The following RORA variants were observed in gnomAD, a reference collection of about 807,000 sequenced individuals.
RORA encodes the protein RAR related orphan receptor A.
In RORA, 7 loss-of-function variants were observed where a neutral mutation model predicts 69.5. That is an observed-to-expected ratio of 0.10 (90% confidence interval 0.06 to 0.19). The LOEUF is 0.19. RORA is among the 10% of genes least tolerant of loss of function. The pLI, the probability that RORA is intolerant of heterozygous loss-of-function variation, is 1.00. For synonymous variants in RORA, 261 were observed against 240.8 expected (o/e 1.08, Z -0.78); for missense variants, 457 against 663.0 (o/e 0.69, Z 3.41).
chr15:60,692,066 T>C (rs1415357048), intron 1 of RORA, among the ~76,000 whole-genome samples: 2 of 152,222 alleles, frequency 1.3e-5, no homozygotes, highest in Admixed American at 6.5e-5. Flanking sequence ...TGCATAGTTC[T>C]TAGATACAAC....
At chr15:61,144,021 G>A (rs1161419688) in intron 1 of RORA, among the ~76,000 whole-genome samples, 1 of 152,198 alleles carries the variant, frequency 6.6e-6, no homozygotes, top group Non-Finnish European at 1.5e-5. Flanking sequence ...TAATATGTTA[G>A]ATAAAAGGCT....
chr15:60,721,940 C>A (rs1322364635), intron 1 of RORA, among the ~76,000 whole-genome samples: 1 of 152,220 alleles, frequency 6.6e-6, no homozygotes, highest in African/African-American at 2.4e-5. Flanking sequence ...GGCGTGCAAC[C>A]AACCCTTTAG....
At chr15:60,834,448 C>T (rs1266729423) in intron 1 of RORA, among the ~76,000 whole-genome samples, 3 of 152,178 alleles carry the variant, frequency 2.0e-5, no homozygotes, top group African/African-American at 7.2e-5. Context: ...AAAATGGCCC[C>T]AGATATGTCC....
rs370131563 is a variant in RORA, at chr15:61,015,278, T to C, written c.166+213775A>G. On this transcript the variant is annotated intron_variant, in intron 1 of 10. Transcript: ENST00000335670. ...AATCCAAGGATTTGGGGAGGGACTTTCCTGCCAACTAAGGATTAGTTCTTT... is the reference window on the plus strand; with the variant it reads ...AATCCAAGGATTTGGGGAGGGACTTCCCTGCCAACTAAGGATTAGTTCTTT... Among the ~76,000 whole-genome samples, 46 of 152,304 alleles carry C rather than the reference T, an allele frequency of 3.0e-4. 2 individuals carry two copies. The South Asian group carries it at 7.1e-3, about 23-fold the overall frequency.
In RORA at chr15:60,492,551, T is replaced by C. The variant is rs1595852303; in HGVS notation, c.*4904A>G. 6.6e-6 allele frequency: 1 copy of C among 152,174 alleles called. No individual in the cohort carries two copies. The highest frequency in any genetic ancestry group is 1.9e-4 in the East Asian group (1 of 5,204). The allele number at this position is 152,174 out of a possible 1,614,324, so 9.4% of individuals were successfully genotyped here. A position where few individuals can be genotyped will look rare whatever the true frequency, so the allele number is the denominator to read the frequency against. ...TCTTTTACCTATATCACTGTACTGATAGGCAGGTCTCTCCTCTTATTACTG... is the reference window on the plus strand; with the variant it reads ...TCTTTTACCTATATCACTGTACTGACAGGCAGGTCTCTCCTCTTATTACTG... On this transcript the variant is annotated 3_prime_UTR_variant, in exon 11 of 11. Coordinates refer to ENST00000335670, the MANE Select transcript of RORA (RefSeq NM_134261.3).
chr15:61,206,328 C>T (rs1455362892), intron 1 of RORA, among the ~76,000 whole-genome samples: 2 of 152,148 alleles, frequency 1.3e-5, no homozygotes, highest in Non-Finnish European at 1.5e-5. Context: ...ATTGTGAACA[C>T]TAGCATATTC....
intron 2 of RORA, among the ~76,000 whole-genome samples, chr15:60,674,861 TG>T (rs1055021407): frequency 1.8e-4 from 27 of 152,166 alleles, no homozygotes; most frequent in Admixed American, 2.0e-4. Context: ...TGTCCCTCAG[TG>T]TGGGAGAAAG....
chr15:60,716,256 T>G (rs2071217608), intron 1 of RORA, among the ~76,000 whole-genome samples: 1 of 152,140 alleles, frequency 6.6e-6, no homozygotes, highest in Non-Finnish European at 1.5e-5. Flanking sequence ...CTACAGCCAA[T>G]TTTATGGCTA....
intron 1 of RORA, among the ~76,000 whole-genome samples, chr15:61,202,298 C>G (rs1596068990): frequency 6.6e-6 from 1 of 152,180 alleles, no homozygotes; most frequent in Non-Finnish European, 1.5e-5. Context: ...GCATGAGACA[C>G]TGCTCCCGGC....
In RORA at chr15:60,749,891, G is replaced by A. The variant is rs138095368; in HGVS notation, c.167-71205C>T. 5.8e-3 allele frequency among the ~76,000 whole-genome samples: 885 copies of A among 152,178 alleles called. 9 individuals carry two copies. Among genetic ancestry groups the A allele is most frequent in the South Asian group, 0.027 (128 of 4,810 alleles). On this transcript the variant is annotated intron_variant, in intron 1 of 10. Transcript: ENST00000335670. Reference sequence around the variant, plus strand: ...ACAAATTACAAAAAATTAGTCTGACGTGGTAGTGTGCGCCTGTAGTCCCAG... The same window carrying A: ...ACAAATTACAAAAAATTAGTCTGACATGGTAGTGTGCGCCTGTAGTCCCAG...
intron 1 of RORA, among the ~76,000 whole-genome samples, chr15:60,899,203 AG>A (rs1409965791): frequency 3.4e-4 from 52 of 152,360 alleles, no homozygotes; most frequent in African/African-American, 1.1e-3. Context: ...ATCCTTCTGT[AG>A]TATCTCCCAG....
intron 1 of RORA, among the ~76,000 whole-genome samples, chr15:60,986,867 G>A (rs1894218861): frequency 6.6e-6 from 1 of 152,162 alleles, no homozygotes; most frequent in South Asian, 2.1e-4. Flanking sequence ...AGTTTAGGGG[G>A]AGACAGAACC....
intron 1 of RORA, among the ~76,000 whole-genome samples, chr15:61,191,459 C>A (rs1341546656): frequency 6.6e-6 from 1 of 152,054 alleles, no homozygotes; most frequent in Non-Finnish European, 1.5e-5. Context: ...CACCACCACA[C>A]AACCAGCCCC....
At chr15:61,079,146 G>C (rs573119580) in intron 1 of RORA, among the ~76,000 whole-genome samples, 10 of 151,882 alleles carry the variant, frequency 6.6e-5, no homozygotes, top group African/African-American at 2.4e-4. Context: ...AAAAAAAAAA[G>C]TACTAGCTCT....
chr15:60,956,238 T>C (rs1464174337), intron 1 of RORA, among the ~76,000 whole-genome samples: 1 of 152,254 alleles, frequency 6.6e-6, no homozygotes, highest in African/African-American at 2.4e-5. Context: ...TGACTTGTTT[T>C]TTTTTTCCAC....
chr15:61,037,374 C>T (rs1896509711), intron 1 of RORA, among the ~76,000 whole-genome samples: 1 of 152,152 alleles, frequency 6.6e-6, no homozygotes, highest in Non-Finnish European at 1.5e-5. Context: ...AAATAGAATC[C>T]TTATTAGGTA....
At chr15:61,056,451 G>T (rs2078097916) in intron 1 of RORA, among the ~76,000 whole-genome samples, 1 of 152,174 alleles carries the variant, frequency 6.6e-6, no homozygotes, top group Non-Finnish European at 1.5e-5. Flanking sequence ...AGTAAAAAAG[G>T]GGAGAAACTG....
intron 1 of RORA, among the ~76,000 whole-genome samples, chr15:61,175,530 G>C (rs2079619846): frequency 1.3e-5 from 1 of 74,108 alleles, no homozygotes; most frequent in African/African-American, 4.2e-5. Context: ...AACATAGTGA[G>C]ATCCTGTTTC....
chr15:60,560,285 G>C (rs1323075035), intron 2 of RORA, among the ~76,000 whole-genome samples: 1 of 152,048 alleles, frequency 6.6e-6, no homozygotes, highest in South Asian at 2.1e-4. Context: ...TCTCAAGAAT[G>C]CTTTCTAAAA....
Sources: allele counts gnomAD v4.1 joint callset (sites outside exome capture counted in the v4.1 genomes callset), GRCh38; gene constraint gnomAD v4.1.1; transcripts MANE v1.5; gene names NCBI Gene and HGNC (gene_info 2026-07-23, HGNC 2026-07-21).